Variants in TXNRD1 observed in about 807,000 individuals in gnomAD.
The protein encoded by TXNRD1 is thioredoxin reductase 1, also known as thioredoxin reductase 1, cytoplasmic.
Under a neutral mutation model 80.3 loss-of-function variants are expected in TXNRD1, and 57 were observed. That is an observed-to-expected ratio of 0.71 (90% CI 0.57 to 0.89). The LOEUF (loss-of-function observed/expected upper bound fraction) is 0.89. Ranked by LOEUF, TXNRD1 falls within the 40% of genes least tolerant of loss-of-function variation. The pLI, the probability that TXNRD1 is intolerant of heterozygous loss-of-function variation, is 0.00. For synonymous variants in TXNRD1, 291 were observed against 285.2 expected, an observed-to-expected ratio of 1.02 and a Z score of -0.20; for missense variants, 730 against 803.0, an observed-to-expected ratio of 0.91 and a Z score of 1.10.
chr12:104,306,151 G>A (rs537508878), intron 4 of TXNRD1, among the ~76,000 whole-genome samples: 6 of 152,220 alleles, frequency 3.9e-5, no homozygotes, highest in East Asian at 3.9e-4. Flanking sequence ...TGATCCACCC[G>A]CCTCGGCCTC....
At chr12:104,272,232 C>A (rs1205402363) in intron 3 of TXNRD1, among the ~76,000 whole-genome samples, 6 of 152,148 alleles carry the variant, frequency 3.9e-5, no homozygotes, top group Non-Finnish European at 7.4e-5. Context: ...GGGTTCTTAT[C>A]CCTGACACAC....
chr12:104,333,809 A>C (rs1013526457), intron 14 of TXNRD1, among the ~76,000 whole-genome samples: 10 of 152,084 alleles, frequency 6.6e-5, no homozygotes, highest in Non-Finnish European at 1.5e-4. Context: ...TTTTGGAAGC[A>C]TTTAGCAAGA....
intron 15 of TXNRD1, among the ~76,000 whole-genome samples, chr12:104,336,467 T>C (rs2036144024): frequency 6.6e-6 from 1 of 152,230 alleles, no homozygotes; most frequent in Admixed American, 6.5e-5. Context: ...TTTATTCATT[T>C]TGAATCAGTC....
At chr12:104,219,412 C>T (rs1449328442) in intron 1 of TXNRD1, among the ~76,000 whole-genome samples, 4 of 152,076 alleles carry the variant, frequency 2.6e-5, no homozygotes, top group South Asian at 2.1e-4. Context: ...ACTCTTCAAC[C>T]GAGCATCTAT....
chr12:104,304,508 G>A, intron 4 of TXNRD1: 1 of 1,614,004 alleles, frequency 6.2e-7, no homozygotes, highest in South Asian at 1.1e-5. Context: ...CCAGAAAAAA[G>A]TTCGCAAGAT....
chr12:104,338,149 T>C (rs1370150938), intron 15 of TXNRD1, among the ~76,000 whole-genome samples: 3 of 151,728 alleles, frequency 2.0e-5, no homozygotes, highest in African/African-American at 4.8e-5. Context: ...ACAGATAGCC[T>C]CTGTGGAGCT....
intron 1 of TXNRD1, among the ~76,000 whole-genome samples, chr12:104,237,818 G>A: frequency 6.6e-6 from 1 of 152,064 alleles, no homozygotes; most frequent in South Asian, 2.1e-4. Flanking sequence ...TTCGAGACCA[G>A]CCTGGCCAAT....
At chr12:104,309,969 T>A in intron 4 of TXNRD1, 1 of 1,536,236 alleles carries the variant, frequency 6.5e-7, no homozygotes, top group Non-Finnish European at 8.7e-7. Context: ...AGTGCTGTGC[T>A]TCCTCCTTCA....
At chr12:104,346,301 C>T (rs900221480) in intron 16 of TXNRD1, 3 of 176,830 alleles carry the variant, frequency 1.7e-5, no homozygotes, top group East Asian at 1.5e-4. Flanking sequence ...GCGTGAGCCA[C>T]GGTGCCTGGC....
At chr12:104,252,684 ATATATATTTTTTTTTTTTTT>A (rs2033149573) in intron 2 of TXNRD1, among the ~76,000 whole-genome samples, 4 of 100,936 alleles carry the variant, frequency 4.0e-5, no homozygotes, top group Non-Finnish European at 7.4e-5. Flanking sequence ...ATATATATAT[ATATATATTTTTTTTTTTTTT>A]TTTTTTTTTT....
At chr12:104,254,903 A>G (rs1472312441) in intron 2 of TXNRD1, among the ~76,000 whole-genome samples, 2 of 151,608 alleles carry the variant, frequency 1.3e-5, no homozygotes, top group Non-Finnish European at 2.9e-5. Context: ...CCAGGAGTTC[A>G]AGACCAGCCT....
chr12:104,252,352 T>C (rs1160860042), intron 2 of TXNRD1, among the ~76,000 whole-genome samples: 1 of 151,968 alleles, frequency 6.6e-6, no homozygotes, highest in Non-Finnish European at 1.5e-5. Context: ...TGGTTTATTA[T>C]GGGGAAAATA....
chr12:104,348,558 C>G lies in TXNRD1; in HGVS notation c.*137C>G. ...TGTGCTTACCACCGCCCAAGGCCCC[C>G]TTGGATCTCTTGGATAGGAGTTGGT... is the stretch of plus-strand genomic sequence containing the variant. On this transcript the variant is annotated 3_prime_UTR_variant, in exon 17 of 17. Coordinates refer to ENST00000525566, the MANE Select transcript of TXNRD1 (RefSeq NM_001093771.3). 1 of 692,426 alleles carries G rather than the reference C, an allele frequency of 1.4e-6. No homozygotes were observed. Among genetic ancestry groups the G allele is most frequent in the East Asian group, 2.6e-5 (1 of 37,932 alleles). The allele number at this position is 692,426 out of a possible 1,614,324, so 42.9% of individuals were successfully genotyped here.
intron 12 of TXNRD1, 24 bp downstream of exon 12, chr12:104,326,447 T>G: frequency 8.4e-7 from 1 of 1,191,262 alleles, no homozygotes; most frequent in Non-Finnish European, 1.2e-6. Context: ...CTTTATTATG[T>G]CATATTTGTG....
At chr12:104,258,675 C>A (rs1302437522) in intron 3 of TXNRD1, among the ~76,000 whole-genome samples, 4 of 152,150 alleles carry the variant, frequency 2.6e-5, no homozygotes, top group Non-Finnish European at 5.9e-5. Context: ...CCTCTAATCC[C>A]AACACACTGG....
At chr12:104,237,864 A>G (rs1431814654) in intron 1 of TXNRD1, among the ~76,000 whole-genome samples, 1 of 152,134 alleles carries the variant, frequency 6.6e-6, no homozygotes, top group Non-Finnish European at 1.5e-5. Context: ...TACAAAAATT[A>G]GCTGGGTGTG....
chr12:104,217,718 C>A (rs530692505), intron 1 of TXNRD1, among the ~76,000 whole-genome samples: 2 of 152,278 alleles, frequency 1.3e-5, no homozygotes, highest in African/African-American at 4.8e-5. Flanking sequence ...AAACTCCATG[C>A]CAACTCGTTA....
At chr12:104,300,891 C>T (rs2034599660) in intron 4 of TXNRD1, among the ~76,000 whole-genome samples, 1 of 152,148 alleles carries the variant, frequency 6.6e-6, no homozygotes, top group South Asian at 2.1e-4. Flanking sequence ...GGTGAGCCAC[C>T]CACCTCGGCC....
chr12:104,263,277 C>T (rs2033406586), intron 3 of TXNRD1, among the ~76,000 whole-genome samples: 1 of 152,140 alleles, frequency 6.6e-6, no homozygotes, highest in African/African-American at 2.4e-5. Context: ...TATTAGTATA[C>T]AGGGTGGCTG....
Sources: gnomAD v4.1 joint callset for allele counts (sites outside exome capture counted in the v4.1 genomes callset) on GRCh38, gnomAD v4.1.1 for gene constraint, MANE v1.5 for transcripts, NCBI Gene and HGNC (gene_info 2026-07-23, HGNC 2026-07-21) for gene names.